AGPS: variants seen among roughly 807,000 people sequenced by gnomAD.
AGPS encodes alkyldihydroxyacetonephosphate synthase, peroxisomal.
In AGPS, 26 loss-of-function variants were observed where a neutral mutation model predicts 90.7. The observed-to-expected ratio is 0.29, with a 90% CI of 0.21 to 0.40. The LOEUF is 0.40. AGPS is among the 10% of genes least tolerant of loss of function. The pLI is 1.00. For missense variants in AGPS, 540 were observed against 816.1 expected, an observed-to-expected ratio of 0.66 and a Z score of 4.12; for synonymous variants, 294 against 285.3, an observed-to-expected ratio of 1.03 and a Z score of -0.31.
intron 10 of AGPS, among the ~76,000 whole-genome samples, chr2:177,471,242 A>G (rs1450249860): frequency 6.6e-6 from 1 of 152,200 alleles, no homozygotes; most frequent in Non-Finnish European, 1.5e-5. Context: ...AATGTGAATC[A>G]TAAACTTTTC....
At chr2:177,502,839 G>T (rs767855700) in intron 14 of AGPS, among the ~76,000 whole-genome samples, 7 of 150,182 alleles carry the variant, frequency 4.7e-5, no homozygotes, top group Non-Finnish European at 1.0e-4. Flanking sequence ...AATCACTGAA[G>T]ATTCAAGGAT....
intron 17 of AGPS, among the ~76,000 whole-genome samples, 169 bp downstream of exon 17, chr2:177,514,077 A>T (rs1283319230): frequency 2.0e-5 from 3 of 152,112 alleles, no homozygotes; most frequent in Non-Finnish European, 4.4e-5. Context: ...CTGGAATTTT[A>T]CAGTAGTCCT....
At chr2:177,505,946 T>C (rs2105718563) in intron 15 of AGPS, among the ~76,000 whole-genome samples, 1 of 152,062 alleles carries the variant, frequency 6.6e-6, no homozygotes, top group East Asian at 1.9e-4. Context: ...TTAACTGTGT[T>C]GTAAAATTTT....
intron 10 of AGPS, among the ~76,000 whole-genome samples, chr2:177,474,326 A>G (rs1476717402): frequency 6.6e-6 from 1 of 152,228 alleles, no homozygotes; most frequent in Non-Finnish European, 1.5e-5. Context: ...TTAGCCATGC[A>G]GACACGTTGA....
In AGPS at chr2:177,540,313, T is replaced by C. The variant is rs2079223328; in HGVS notation, c.*2118T>C. 1 of 152,020 alleles carries C rather than the reference T, an allele frequency of 6.6e-6. No individual in the cohort carries two copies. The highest frequency in any genetic ancestry group is 2.4e-5 in the African/African-American group (1 of 41,418). 9.4% of individuals were successfully genotyped at this position (152,020 alleles called of 1,614,324 possible). A position where few individuals can be genotyped will look rare whatever the true frequency, so the allele number is the denominator to read the frequency against. On this transcript the variant is annotated 3_prime_UTR_variant, in exon 20 of 20. Coordinates refer to ENST00000264167, the MANE Select transcript of AGPS (RefSeq NM_003659.4). ...GAAATTCATGATTTATGTCTTTGTT[T>C]TTCTTTTTCCAAGTATATGCAGGAC...
intron 1 of AGPS, among the ~76,000 whole-genome samples, chr2:177,411,098 C>T (rs1055972202): frequency 6.6e-6 from 1 of 152,054 alleles, no homozygotes; most frequent in Non-Finnish European, 1.5e-5. Flanking sequence ...CTTGTTTGTC[C>T]CTTTCTGCCT....
chr2:177,481,389 T>G (rs1687938869), intron 10 of AGPS, among the ~76,000 whole-genome samples: 1 of 151,890 alleles, frequency 6.6e-6, no homozygotes, highest in South Asian at 2.1e-4. Flanking sequence ...TGTTTTGTTT[T>G]GTTTTTTTGT....
Position 177,539,801 on chromosome 2 carries a change from A to G in AGPS, c.*1606A>G, listed in dbSNP as rs2079216273. 1 of 151,838 alleles carries G rather than the reference A, an allele frequency of 6.6e-6. No individual in the cohort carries two copies. Among genetic ancestry groups the G allele is most frequent in the African/African-American group, 2.4e-5 (1 of 41,406 alleles). The allele number at this position is 151,838 out of a possible 1,614,324, so 9.4% of individuals were successfully genotyped here. On this transcript the variant is annotated 3_prime_UTR_variant, in exon 20 of 20. Transcript: ENST00000264167. ...TATCAGTTTAACAACAAAATGAAAT[A>G]TTTATTTTTTAGAAGCTGCCTCTCT...
chr2:177,532,305 TGAA>T lies in AGPS; in HGVS notation c.1856-5765_1856-5763del, dbSNP rs2079145695. Among the ~76,000 whole-genome samples, 6 of 152,074 alleles carry T rather than the reference TGAA, an allele frequency of 3.9e-5. No individual in the cohort carries two copies. In the South Asian group the frequency reaches 8.3e-4, roughly 21 times the overall value. On this transcript the variant is annotated intron_variant, in intron 19 of 19. Transcript: ENST00000264167. ...TTAATTAGAAAATAGGCAAGAGACA[TGAA>T]GAAAAATTTCACTGAAGAAGATATA...
At chr2:177,446,454 G>A (rs375753316) in intron 8 of AGPS, among the ~76,000 whole-genome samples, 3 of 152,104 alleles carry the variant, frequency 2.0e-5, no homozygotes, top group African/African-American at 7.2e-5. Context: ...TGTTGCTTTT[G>A]AGGGTCTGCA....
chr2:177,415,373 T>C (rs1462135089), intron 1 of AGPS, among the ~76,000 whole-genome samples: 21 of 152,240 alleles, frequency 1.4e-4, no homozygotes. Context: ...ATGATTGCTC[T>C]GTGGAGTGGC....
At chr2:177,488,798 A>G (rs542035960) in intron 11 of AGPS, among the ~76,000 whole-genome samples, 10 of 152,264 alleles carry the variant, frequency 6.6e-5, no homozygotes, top group Admixed American at 5.2e-4. Context: ...GAGGAAACAA[A>G]TGTTTTCAAT....
chr2:177,430,764 C>T (rs1441492404), intron 2 of AGPS, among the ~76,000 whole-genome samples: 1 of 152,126 alleles, frequency 6.6e-6, no homozygotes, highest in Non-Finnish European at 1.5e-5. Flanking sequence ...TTCTCCATGA[C>T]AGCTGCGGAT....
chr2:177,476,349 A>C (rs903010248), intron 10 of AGPS, among the ~76,000 whole-genome samples: 7 of 151,986 alleles, frequency 4.6e-5, no homozygotes, highest in Non-Finnish European at 1.0e-4. Context: ...TTATCTGATA[A>C]GTTTTGGTAT....
intron 8 of AGPS, among the ~76,000 whole-genome samples, chr2:177,451,713 A>T (rs1374168291): frequency 6.6e-6 from 1 of 152,090 alleles, no homozygotes; most frequent in Non-Finnish European, 1.5e-5. Context: ...ATAGAGTTTG[A>T]ATTAGGAATG....
At chr2:177,456,313 G>A (rs1687107636) in intron 8 of AGPS, among the ~76,000 whole-genome samples, 1 of 152,198 alleles carries the variant, frequency 6.6e-6, no homozygotes, top group Non-Finnish European at 1.5e-5. Context: ...GCGGCTAAAT[G>A]TATATGATCT....
In AGPS at chr2:177,543,135, A is replaced by G. The variant is rs575025495; in HGVS notation, c.*4940A>G. On this transcript the variant is annotated 3_prime_UTR_variant, in exon 20 of 20. Transcript: ENST00000264167. ...ATTTTCATTCCTACTGCCCCAACCT[A>G]GTAGCCCTAAGTTGTGGCTTGGTGG... The G allele has an allele frequency of 3.9e-5, 6 of 152,168 alleles. No individual in the cohort carries two copies. The highest frequency in any genetic ancestry group is 2.0e-4 in the Admixed American group (3 of 15,272). The allele number at this position is 152,168 out of a possible 1,614,324, so 9.4% of individuals were successfully genotyped here.
At chr2:177,480,329 A>C (rs556570440) in intron 10 of AGPS, among the ~76,000 whole-genome samples, 5 of 152,324 alleles carry the variant, frequency 3.3e-5, no homozygotes, top group African/African-American at 9.6e-5. Context: ...AACCAACCCA[A>C]ATGTCCATCA....
At position 177,499,678 on chromosome 2, in the gene AGPS, G is replaced by A; in HGVS notation, c.1423G>A (p.Glu475Lys). The change falls in exon 14 of 20, where the codon GAG becomes AAG. Residue 475 changes from glutamate to lysine, a missense_variant. Around this residue, in one of 2 missense-constraint regions of AGPS, gnomAD observed 405 missense variants for 692.1 expected, o/e 0.59. Transcript: ENST00000264167. ...CACATTACTGTTTGAGGGGGATCGT[G>A]AGAAGGTTCTTCAACATGAAAAACA... Reference protein sequence around the residue: ...VATLLFEGDREKVLQHEKQVY... With the variant: ...VATLLFEGDRKKVLQHEKQVY... 6.2e-7 allele frequency: 1 copy of A among 1,612,204 alleles called. No individual in the cohort carries two copies. Among genetic ancestry groups the A allele is most frequent in the Non-Finnish European group, 8.5e-7 (1 of 1,178,864 alleles).
Sources: gnomAD v4.1 joint callset for allele counts (sites outside exome capture counted in the v4.1 genomes callset) on GRCh38, gnomAD v4.1.1 for gene constraint, gnomAD v4.1.1 regional missense constraint, MANE v1.5 for transcripts, NCBI Gene and HGNC (gene_info 2026-07-23, HGNC 2026-07-21) for gene names.